Variants in SLC25A21 observed in about 807,000 individuals in gnomAD.
SLC25A21 encodes the protein mitochondrial 2-oxodicarboxylate carrier.
SLC25A21 carries 47 observed loss-of-function variants against 43.8 expected under a neutral mutation model. The observed-to-expected ratio is 1.07, with a 90% CI of 0.85 to 1.37. The LOEUF (loss-of-function observed/expected upper bound fraction) is 1.37. SLC25A21 is among the 40% of genes most tolerant of loss of function. The pLI is 0.00. For synonymous variants in SLC25A21, 131 were observed against 121.3 expected, an observed-to-expected ratio of 1.08 and a Z score of -0.52; for missense variants, 352 against 350.2, an observed-to-expected ratio of 1.00 and a Z score of -0.04.
chr14:36,757,090 CAAAAAA>C (rs58430384), intron 3 of SLC25A21, among the ~76,000 whole-genome samples: 23,239 of 125,856 alleles, frequency 0.18, 2,140 homozygotes, highest in Middle Eastern at 0.29. Flanking sequence ...CCCATCTTTA[CAAAAAA>C]AAAAAAAAAA....
At chr14:37,132,270 G>A (rs566775114) in intron 1 of SLC25A21, among the ~76,000 whole-genome samples, 3 of 152,202 alleles carry the variant, frequency 2.0e-5, no homozygotes, top group Admixed American at 6.5e-5. Context: ...TCGCACATAG[G>A]AACTCTGGGG....
At position 36,875,052 on chromosome 14, in the gene SLC25A21, T is replaced by C. The variant is rs760921420; in HGVS notation, c.71-48A>G. 3 of 1,478,972 alleles carry C rather than the reference T, an allele frequency of 2.0e-6. No individual in the cohort carries two copies. The South Asian group carries it at 3.5e-5, about 17-fold the overall frequency. 91.6% of individuals were successfully genotyped at this position (1,478,972 alleles called of 1,614,324 possible). ...CAATAAACACTTATGTAAACACTGG[T>C]TCTTATTTCCTTGATCCCGTCGATT... On this transcript the variant is annotated intron_variant, in intron 1 of 9. Coordinates refer to ENST00000331299, the MANE Select transcript of SLC25A21 (RefSeq NM_030631.4).
intron 1 of SLC25A21, among the ~76,000 whole-genome samples, chr14:37,057,120 T>C (rs1961846620): frequency 6.6e-6 from 1 of 152,248 alleles, no homozygotes; most frequent in South Asian, 2.1e-4. Context: ...TATCATTTTC[T>C]TCCCTTTGAA....
intron 1 of SLC25A21, among the ~76,000 whole-genome samples, chr14:37,119,550 C>A (rs1174213450): frequency 9.1e-6 from 1 of 109,380 alleles, no homozygotes; most frequent in South Asian, 3.3e-4. Flanking sequence ...GAGTGAGACA[C>A]CATAAAAAAA....
chr14:37,032,435 C>G (rs982794647), intron 1 of SLC25A21, among the ~76,000 whole-genome samples: 7 of 152,214 alleles, frequency 4.6e-5, no homozygotes, highest in Admixed American at 4.6e-4. Flanking sequence ...ACTCGGGAGG[C>G]TGAGGCAGGA....
chr14:37,021,699 G>A (rs1250547090), intron 1 of SLC25A21, among the ~76,000 whole-genome samples: 1 of 151,908 alleles, frequency 6.6e-6, no homozygotes, highest in Non-Finnish European at 1.5e-5. Flanking sequence ...GGGGGCAGGG[G>A]AGGAAGGAGA....
chr14:36,840,858 C>T (rs1594632350), intron 2 of SLC25A21, among the ~76,000 whole-genome samples: 1 of 152,108 alleles, frequency 6.6e-6, no homozygotes, highest in South Asian at 2.1e-4. Flanking sequence ...CGGAAAAGAG[C>T]GGCAGCTGCT....
chr14:36,770,438 T>C (rs956520266), intron 3 of SLC25A21, among the ~76,000 whole-genome samples: 3 of 152,138 alleles, frequency 2.0e-5, no homozygotes, highest in Non-Finnish European at 4.4e-5. Flanking sequence ...ACCTGGGTGA[T>C]GGGATCATGT....
intron 2 of SLC25A21, among the ~76,000 whole-genome samples, chr14:36,838,180 C>T (rs1340369252): frequency 6.6e-6 from 1 of 152,200 alleles, no homozygotes; most frequent in Non-Finnish European, 1.5e-5. Flanking sequence ...ACACGGCTGC[C>T]AGGGCCTCAC....
At chr14:37,028,646 T>G (rs1018473305) in intron 1 of SLC25A21, among the ~76,000 whole-genome samples, 2 of 152,168 alleles carry the variant, frequency 1.3e-5, no homozygotes, top group Non-Finnish European at 2.9e-5. Context: ...CTTAGATGTA[T>G]GAATAAAAAA....
At chr14:36,717,725 C>T (rs759706127) in intron 6 of SLC25A21, among the ~76,000 whole-genome samples, 10 of 152,192 alleles carry the variant, frequency 6.6e-5, no homozygotes, top group Non-Finnish European at 1.2e-4. Context: ...TCTTAATTAT[C>T]TAGATTTCTT....
At chr14:36,782,500 C>G (rs143669273) in intron 3 of SLC25A21, among the ~76,000 whole-genome samples, 3 of 152,100 alleles carry the variant, frequency 2.0e-5, no homozygotes, top group Admixed American at 6.6e-5. Context: ...TTTCTTGAAG[C>G]CTGGTATTGC....
At chr14:36,714,015 C>A (rs866567954) in intron 6 of SLC25A21, among the ~76,000 whole-genome samples, 15 of 150,404 alleles carry the variant, frequency 1.0e-4, no homozygotes, top group African/African-American at 3.2e-4. Flanking sequence ...TATCTCAAAA[C>A]AAAAAAAGAA....
intron 1 of SLC25A21, among the ~76,000 whole-genome samples, chr14:37,164,471 AT>A (rs1963999224): frequency 6.6e-6 from 1 of 152,056 alleles, no homozygotes. Context: ...AGTTTCCCAA[AT>A]CCTGAATTTC....
intron 1 of SLC25A21, among the ~76,000 whole-genome samples, chr14:37,152,986 G>A (rs1467709679): frequency 6.6e-6 from 1 of 152,160 alleles, no homozygotes; most frequent in Non-Finnish European, 1.5e-5. Context: ...AGTGGGGAAG[G>A]AGGAAAAGAG....
chr14:36,910,186 C>G (rs1891647459), intron 1 of SLC25A21, among the ~76,000 whole-genome samples: 1 of 152,168 alleles, frequency 6.6e-6, no homozygotes, highest in East Asian at 1.9e-4. Flanking sequence ...CAGAGATCAT[C>G]ATGGATCACT....
At chr14:36,701,195 T>C (rs1335815045) in intron 7 of SLC25A21, among the ~76,000 whole-genome samples, 1 of 152,212 alleles carries the variant, frequency 6.6e-6, no homozygotes, top group African/African-American at 2.4e-5. Context: ...CCAGTGAAAA[T>C]ATCTGCTATT....
intron 3 of SLC25A21, among the ~76,000 whole-genome samples, chr14:36,799,384 A>C (rs565303892): frequency 6.6e-6 from 1 of 152,300 alleles, no homozygotes; most frequent in African/African-American, 2.4e-5. Flanking sequence ...TTAAGGAGAA[A>C]GATGGAACAT....
intron 2 of SLC25A21, among the ~76,000 whole-genome samples, chr14:36,829,973 G>C (rs1027369717): frequency 3.3e-5 from 5 of 151,722 alleles, no homozygotes; most frequent in African/African-American, 9.7e-5. Flanking sequence ...TGAGAGAGCT[G>C]ACTATTGCTT....
Sources: gnomAD v4.1 joint callset for allele counts (sites outside exome capture counted in the v4.1 genomes callset) on GRCh38, gnomAD v4.1.1 for gene constraint, MANE v1.5 for transcripts, NCBI Gene and HGNC (gene_info 2026-07-23, HGNC 2026-07-21) for gene names.